Variants in ANG observed in about 807,000 individuals in gnomAD.
ANG encodes Homo sapiens epididymis luminal protein 168.
For missense variants in ANG, 178 were observed against 187.4 expected, an observed-to-expected ratio of 0.95 and a Z score of 0.29; for synonymous variants, 74 against 73.8, an observed-to-expected ratio of 1.00 and a Z score of -0.02.
chr14:20,685,852 C>A (rs889135655), upstream of ANG, among the ~76,000 whole-genome samples: 6 of 151,854 alleles, frequency 4.0e-5, no homozygotes, highest in African/African-American at 1.2e-4. Flanking sequence ...CCAGCCTGGC[C>A]AAGATGGTGA....
Position 20,694,143 on chromosome 14 carries a change from GACA to G in ANG, c.*139_*141del, listed in dbSNP as rs1886985523. The G allele has an allele frequency of 2.2e-6, 2 of 928,056 alleles. No individual in the cohort carries two copies. The highest frequency in any genetic ancestry group is 2.1e-5 in the Admixed American group (1 of 47,986). The allele number at this position is 928,056 out of a possible 1,614,324, so 57.5% of individuals were successfully genotyped here. A position where few individuals can be genotyped will look rare whatever the true frequency, so the allele number is the denominator to read the frequency against. Reference sequence around the variant, plus strand: ...TACCTGGACCTTTTGTTTTCTGTTTGACAACATGTTTAATAAATAAAAATGTCT... The same window carrying G: ...TACCTGGACCTTTTGTTTTCTGTTTGACATGTTTAATAAATAAAAATGTCT... On this transcript the variant is annotated 3_prime_UTR_variant, in exon 2 of 2. Coordinates refer to ENST00000397990, the MANE Select transcript of ANG (RefSeq NM_001097577.3).
Position 20,694,175 on chromosome 14 carries a change from T to C in ANG, c.*167T>C. On this transcript the variant is annotated 3_prime_UTR_variant, in exon 2 of 2. Transcript: ENST00000397990. ...TGTTTAATAAATAAAAATGTCTTGA[T>C]ATCAGTAAGAATCAGAGTCTTCTCA... 1 of 748,410 alleles carries C rather than the reference T, an allele frequency of 1.3e-6. No homozygotes were observed. Among genetic ancestry groups the C allele is most frequent in the South Asian group, 1.7e-5 (1 of 59,322 alleles). 46.4% of individuals were successfully genotyped at this position (748,410 alleles called of 1,614,324 possible).
intron 1 of ANG, among the ~76,000 whole-genome samples, chr14:20,690,938 G>A (rs1886710315): frequency 6.6e-6 from 1 of 152,212 alleles, no homozygotes; most frequent in Non-Finnish European, 1.5e-5. Flanking sequence ...TGGCACCCGT[G>A]AAACCTGACA....
chr14:20,689,665 C>G (rs1292247701), intron 1 of ANG, among the ~76,000 whole-genome samples: 1 of 152,138 alleles, frequency 6.6e-6, no homozygotes, highest in African/African-American at 2.4e-5. Flanking sequence ...ACCTGTAATC[C>G]CCGCACTTTG....
chr14:20,686,824 G>T (rs1235178530), upstream of ANG, among the ~76,000 whole-genome samples: 1 of 152,150 alleles, frequency 6.6e-6, no homozygotes, highest in East Asian at 1.9e-4. Context: ...AAGAAATATA[G>T]AAATTATTTA....
At chr14:20,687,818 CCTT>C (rs1248278031), upstream of ANG, among the ~76,000 whole-genome samples, 1 of 152,202 alleles carries the variant, frequency 6.6e-6, no homozygotes, top group Non-Finnish European at 1.5e-5. Context: ...TTTCTTGACA[CCTT>C]CTCAAGTGCA....
upstream of ANG, among the ~76,000 whole-genome samples, chr14:20,688,300 G>A (rs1158930969): frequency 1.3e-5 from 2 of 152,144 alleles, no homozygotes; most frequent in Admixed American, 6.5e-5. Flanking sequence ...ATGGAATAAC[G>A]TGCTTAGCAT....
At chr14:20,687,234 A>G (rs8004382), upstream of ANG, among the ~76,000 whole-genome samples, 83,116 of 152,102 alleles carry the variant, frequency 0.55, 22,794 homozygotes, top group African/African-American at 0.61. Context: ...CCTACTTTTC[A>G]TTTCAACAAA....
upstream of ANG, chr14:20,684,753 G>A (rs1413682750): frequency 6.5e-6 from 1 of 152,812 alleles, no homozygotes; most frequent in Non-Finnish European, 1.5e-5. Flanking sequence ...TTGTTCTGAG[G>A]CCGAGGTAGG....
chr14:20,693,072 C>T (rs1327489723), intron 1 of ANG, among the ~76,000 whole-genome samples: 5 of 151,968 alleles, frequency 3.3e-5, no homozygotes, highest in East Asian at 3.9e-4. Flanking sequence ...TGGTCTCGAT[C>T]TCCTGACCTC....
intron 1 of ANG, among the ~76,000 whole-genome samples, chr14:20,691,996 C>G (rs1421830454): frequency 6.6e-6 from 1 of 152,204 alleles, no homozygotes; most frequent in Non-Finnish European, 1.5e-5. Context: ...AGCAATATCC[C>G]CACAACTTGT....
At chr14:20,692,855 T>A (rs1312359030) in intron 1 of ANG, among the ~76,000 whole-genome samples, 1 of 152,202 alleles carries the variant, frequency 6.6e-6, no homozygotes, top group Admixed American at 6.5e-5. Context: ...TTTTTGTTTT[T>A]ATTTTTTTCC....
At chr14:20,688,443 G>C (rs990955239), upstream of ANG, among the ~76,000 whole-genome samples, 4 of 152,204 alleles carry the variant, frequency 2.6e-5, no homozygotes, top group African/African-American at 9.7e-5. Flanking sequence ...AGTTCTTGGA[G>C]TTGGCCCAGG....
chr14:20,691,175 AGAG>A (rs1364722537), intron 1 of ANG, among the ~76,000 whole-genome samples: 2 of 152,178 alleles, frequency 1.3e-5, no homozygotes, highest in Admixed American at 1.3e-4. Context: ...GGTATTTCCT[AGAG>A]AAGACATTAG....
At chr14:20,689,031 T>G (rs1886559248) in intron 1 of ANG, among the ~76,000 whole-genome samples, 157 bp downstream of exon 1, 1 of 152,196 alleles carries the variant, frequency 6.6e-6, no homozygotes, top group African/African-American at 2.4e-5. Flanking sequence ...AGGTTTCTTT[T>G]GGGATGGCCT....
At chr14:20,684,904 G>C (rs976155010), upstream of ANG, 1 of 152,240 alleles carries the variant, frequency 6.6e-6, no homozygotes, top group African/African-American at 2.4e-5. Context: ...GGAATGGGGA[G>C]GGACGTGAAA....
At chr14:20,692,593 T>C in intron 1 of ANG, among the ~76,000 whole-genome samples, 1 of 152,212 alleles carries the variant, frequency 6.6e-6, no homozygotes, top group Non-Finnish European at 1.5e-5. Flanking sequence ...GTGCACTCTT[T>C]ATGAGAATCT....
chr14:20,691,060 A>G (rs146116002), intron 1 of ANG, among the ~76,000 whole-genome samples: 4 of 152,332 alleles, frequency 2.6e-5, no homozygotes, highest in African/African-American at 9.6e-5. Context: ...TCTAATGCAG[A>G]GCGAGTTTGG....
chr14:20,689,926 A>C (rs1886630204), intron 1 of ANG, among the ~76,000 whole-genome samples: 1 of 151,296 alleles, frequency 6.6e-6, no homozygotes, highest in South Asian at 2.1e-4. Flanking sequence ...AAAAAAAAAA[A>C]AAAAACAGGC....
Sources: allele counts gnomAD v4.1 joint callset (sites outside exome capture counted in the v4.1 genomes callset), GRCh38; gene constraint gnomAD v4.1.1; transcripts MANE v1.5; gene names NCBI Gene and HGNC (gene_info 2026-07-23, HGNC 2026-07-21).